The following ZNG1C variants were observed in gnomAD, a reference collection of about 807,000 sequenced individuals.
ZNG1C encodes the protein Zn regulated GTPase metalloprotein activator 1C, also known as zinc-regulated GTPase metalloprotein activator 1C.
At chr9:68,275,546 A>G in the ZNG1C span, among the ~76,000 whole-genome samples, 4 of 130,646 alleles carry the variant, frequency 3.1e-5, no homozygotes, top group Admixed American at 8.5e-5. Context: ...TCATTGTTCA[A>G]TTCCCACCTA....
chr9:68,299,204 T>G, the ZNG1C span: 2 of 1,542,942 alleles, frequency 1.3e-6, no homozygotes, highest in South Asian at 2.6e-5. Flanking sequence ...TAAAACTAAA[T>G]AAGCTTGTGG....
chr9:68,257,171 G>T, the ZNG1C span, among the ~76,000 whole-genome samples: 233 of 133,872 alleles, frequency 1.7e-3, no homozygotes, highest in South Asian at 6.4e-3. Context: ...CCGAGTAGCT[G>T]GGACTACAGG....
At chr9:68,296,265 A>G in the ZNG1C span, among the ~76,000 whole-genome samples, 9 of 152,326 alleles carry the variant, frequency 5.9e-5, no homozygotes, top group South Asian at 2.1e-4. Context: ...GAGCTAAGCT[A>G]TGAGGATGCA....
chr9:68,245,865 C>T, the ZNG1C span, among the ~76,000 whole-genome samples: 1 of 141,496 alleles, frequency 7.1e-6, no homozygotes, highest in African/African-American at 2.7e-5. Context: ...CCCAAAGTTG[C>T]TGGGATTACA....
the ZNG1C span, among the ~76,000 whole-genome samples, chr9:68,268,780 CAA>C: frequency 2.0e-5 from 3 of 151,344 alleles, no homozygotes; most frequent in African/African-American, 7.3e-5. Flanking sequence ...TTTTTTAAAG[CAA>C]GTTTTGTTTT....
chr9:68,287,360 T>C, the ZNG1C span, among the ~76,000 whole-genome samples: 2 of 152,104 alleles, frequency 1.3e-5, no homozygotes, highest in African/African-American at 2.4e-5. Context: ...GTCTCCAGGA[T>C]TGGGACTTGG....
At chr9:68,273,993 C>T in the ZNG1C span, 1 of 146,092 alleles carries the variant, frequency 6.8e-6, no homozygotes, top group Non-Finnish European at 1.5e-5. Context: ...GTGCGTGCCA[C>T]CACACCCAGC....
the ZNG1C span, among the ~76,000 whole-genome samples, chr9:68,260,394 A>C: frequency 6.6e-6 from 1 of 152,302 alleles, no homozygotes; most frequent in Non-Finnish European, 1.5e-5. Context: ...GGAGGCCAAA[A>C]AAACAAAGCA....
chr9:68,295,570 T>A, the ZNG1C span, among the ~76,000 whole-genome samples: 3 of 142,390 alleles, frequency 2.1e-5, no homozygotes, highest in South Asian at 2.3e-4. Flanking sequence ...TATATACATC[T>A]GAAAAAGAAC....
chr9:68,254,901 A>AT, the ZNG1C span: 2 of 150,754 alleles, frequency 1.3e-5, no homozygotes, highest in East Asian at 2.0e-4. Flanking sequence ...CACTCTTGAA[A>AT]TTTTTTTGTT....
the ZNG1C span, among the ~76,000 whole-genome samples, chr9:68,294,052 A>G: frequency 6.6e-6 from 1 of 152,070 alleles, no homozygotes; most frequent in Non-Finnish European, 1.5e-5. Flanking sequence ...CCATGCAGAT[A>G]CATGGAATAA....
chr9:68,269,068 A>G, the ZNG1C span: 1 of 1,189,342 alleles, frequency 8.4e-7, no homozygotes, highest in Non-Finnish European at 1.2e-6. Context: ...CTTGATTCTG[A>G]TATAAGAAAG....
At chr9:68,274,201 A>T in the ZNG1C span, 2 of 150,510 alleles carry the variant, frequency 1.3e-5, no homozygotes, top group Non-Finnish European at 3.0e-5. Flanking sequence ...AGTCTTTATA[A>T]ATTTGCTTTT....
the ZNG1C span, among the ~76,000 whole-genome samples, chr9:68,296,354 A>AT: frequency 0.011 from 1,664 of 152,056 alleles, no homozygotes; most frequent in East Asian, 0.041. Context: ...AAAGACAAAA[A>AT]TTGGGTGCAG....
At chr9:68,249,034 A>G in the ZNG1C span, 1 of 447,852 alleles carries the variant, frequency 2.2e-6, no homozygotes, top group Non-Finnish European at 4.2e-6. Context: ...TTAAAAGAGG[A>G]AAAGTACTCG....
chr9:68,281,514 C>T, the ZNG1C span, among the ~76,000 whole-genome samples: 1 of 108,216 alleles, frequency 9.2e-6, no homozygotes, highest in African/African-American at 3.5e-5. Context: ...GATCTACCCT[C>T]TTAACAATTT....
the ZNG1C span, among the ~76,000 whole-genome samples, chr9:68,280,888 T>TGTTTA: frequency 1.1e-5 from 1 of 94,492 alleles, no homozygotes; most frequent in African/African-American, 4.2e-5. Context: ...CTGGCTGCTT[T>TGTTTA]GTTTACCTAA....
the ZNG1C span, among the ~76,000 whole-genome samples, chr9:68,276,508 C>T: frequency 6.8e-6 from 1 of 146,946 alleles, no homozygotes; most frequent in Non-Finnish European, 1.5e-5. Flanking sequence ...GATCCAGTTT[C>T]AGCTTTCGAC....
the ZNG1C span, chr9:68,300,012 A>ATTGATG: frequency 6.4e-6 from 1 of 155,834 alleles, no homozygotes; most frequent in South Asian, 1.9e-4. Flanking sequence ...TATGACTGTT[A>ATTGATG]TTGATGTTGA....
Sources: allele counts gnomAD v4.1 joint callset (sites outside exome capture counted in the v4.1 genomes callset), GRCh38; gene constraint gnomAD v4.1.1; transcripts MANE v1.5; gene names NCBI Gene and HGNC (gene_info 2026-07-23, HGNC 2026-07-21).